NCALD: variants seen among roughly 807,000 people sequenced by gnomAD.
The protein encoded by NCALD is neurocalcin-delta.
In NCALD, 10 loss-of-function variants were observed where a neutral mutation model predicts 18.6. The observed-to-expected ratio is 0.54, with a 90% CI of 0.33 to 0.91. The LOEUF is 0.91. NCALD is among the 40% of genes least tolerant of loss of function. NCALD has a pLI of 0.03. For synonymous variants in NCALD, 88 were observed against 87.4 expected (o/e 1.01, Z -0.04); for missense variants, 184 against 247.6 (o/e 0.74, Z 1.72).
At chr8:101,829,155 T>C (rs145432526) in intron 4 of NCALD, among the ~76,000 whole-genome samples, 1 of 151,966 alleles carries the variant, frequency 6.6e-6, no homozygotes, top group East Asian at 1.9e-4. Context: ...GATTTTACAG[T>C]GCTAGTATTT....
chr8:101,753,163 G>A (rs1271948429), intron 1 of NCALD, among the ~76,000 whole-genome samples: 1 of 152,174 alleles, frequency 6.6e-6, no homozygotes, highest in Non-Finnish European at 1.5e-5. Flanking sequence ...CTTCAAAGAG[G>A]TGGTTGCATC....
intron 4 of NCALD, among the ~76,000 whole-genome samples, chr8:101,819,852 A>G (rs1813650327): frequency 6.6e-6 from 1 of 152,228 alleles, no homozygotes; most frequent in African/African-American, 2.4e-5. Context: ...CACTGCCAGG[A>G]GCACAGGAGC....
At chr8:101,958,127 A>T (rs1317264443) in intron 2 of NCALD, among the ~76,000 whole-genome samples, 2 of 152,186 alleles carry the variant, frequency 1.3e-5, no homozygotes, top group African/African-American at 4.8e-5. Context: ...TAGAACAAGT[A>T]ATCACTGAGG....
At chr8:102,025,837 G>A (rs1822434826) in intron 1 of NCALD, among the ~76,000 whole-genome samples, 1 of 152,156 alleles carries the variant, frequency 6.6e-6, no homozygotes, top group Non-Finnish European at 1.5e-5. Flanking sequence ...TTCTGACACT[G>A]CTATAAGGAC....
chr8:101,862,200 AAT>A (rs1158692025), intron 4 of NCALD, among the ~76,000 whole-genome samples: 2 of 152,238 alleles, frequency 1.3e-5, no homozygotes, highest in Non-Finnish European at 2.9e-5. Flanking sequence ...CAGACATTAC[AAT>A]ATGTTAATAA....
Position 101,903,529 on chromosome 8 carries a change from G to A in NCALD, c.-107+12280C>T, listed in dbSNP as rs1476681992. Reference sequence around the variant, plus strand: ...GGAATTTCATCTGTGCTTTTGTGTTGGGGCGAGAGCGAGGGAGAGAATGAG... The same window carrying A: ...GGAATTTCATCTGTGCTTTTGTGTTAGGGCGAGAGCGAGGGAGAGAATGAG... On this transcript the variant is annotated intron_variant, in intron 3 of 6. Coordinates refer to the NCALD transcript ENST00000311028. Among the ~76,000 whole-genome samples, 5 of 152,098 alleles carry A rather than the reference G, an allele frequency of 3.3e-5. No individual in the cohort carries two copies. The South Asian group carries it at 1.0e-3, about 32-fold the overall frequency.
chr8:101,817,576 C>A (rs1389072798), intron 4 of NCALD, among the ~76,000 whole-genome samples: 21 of 148,958 alleles, frequency 1.4e-4, no homozygotes, highest in Non-Finnish European at 7.4e-5. Context: ...AAGCAGCTAC[C>A]AAAAAAAAAA....
chr8:102,095,870 C>T (rs1226145073), intron 1 of NCALD, among the ~76,000 whole-genome samples: 2 of 152,130 alleles, frequency 1.3e-5, no homozygotes, highest in Non-Finnish European at 1.5e-5. Context: ...GACTAGTCAC[C>T]TTTCAACAAA....
intron 4 of NCALD, among the ~76,000 whole-genome samples, chr8:101,804,702 T>C (rs1241154542): frequency 6.9e-6 from 1 of 144,914 alleles, no homozygotes; most frequent in Non-Finnish European, 1.5e-5. Flanking sequence ...CCTAATTATA[T>C]ATAAATAATT....
intron 2 of NCALD, among the ~76,000 whole-genome samples, chr8:101,967,530 G>A (rs1291353172): frequency 1.3e-5 from 2 of 152,080 alleles, no homozygotes; most frequent in East Asian, 3.9e-4. Flanking sequence ...CAGAGGAGAA[G>A]GTAGAAAGTC....
intron 1 of NCALD, among the ~76,000 whole-genome samples, chr8:101,768,744 A>G (rs1482351390): frequency 6.6e-6 from 1 of 151,782 alleles, no homozygotes; most frequent in Non-Finnish European, 1.5e-5. Flanking sequence ...AAAGAAAGAA[A>G]GCAAGAAAGA....
intron 4 of NCALD, among the ~76,000 whole-genome samples, chr8:101,849,612 C>T (rs567153348): frequency 3.9e-5 from 6 of 152,156 alleles, no homozygotes; most frequent in African/African-American, 9.7e-5. Context: ...TCAGTTAACA[C>T]AGCCAGATGA....
chr8:101,757,910 A>G lies in NCALD; in HGVS notation c.-20+32952T>C, dbSNP rs148045105. 7.0e-4 allele frequency among the ~76,000 whole-genome samples: 107 copies of G among 152,172 alleles called. No homozygotes were observed. In the East Asian group the frequency reaches 0.018, roughly 26 times the overall value. On this transcript the variant is annotated intron_variant, in intron 1 of 3. Transcript: ENST00000220931. ...TTTAACAATTTTTTTAGAGCCTCCC[A>G]CCTCCCAAGTAGCTAGGACTACAGT...
At chr8:101,812,713 TA>T in intron 4 of NCALD, among the ~76,000 whole-genome samples, 1 of 152,280 alleles carries the variant, frequency 6.6e-6, no homozygotes, top group Non-Finnish European at 1.5e-5. Flanking sequence ...CTAAAAGAAT[TA>T]GGGGCTTGAA....
intron 3 of NCALD, among the ~76,000 whole-genome samples, chr8:101,892,293 G>A (rs1816935779): frequency 6.8e-6 from 1 of 146,318 alleles, no homozygotes; most frequent in Non-Finnish European, 1.5e-5. Flanking sequence ...CAGACCTGCA[G>A]CTGAGGGTCC....
chr8:101,820,374 T>C (rs1221724994), intron 4 of NCALD, among the ~76,000 whole-genome samples: 1 of 151,836 alleles, frequency 6.6e-6, no homozygotes, highest in Non-Finnish European at 1.5e-5. Flanking sequence ...TTTTATTTGT[T>C]AAATAAATAA....
chr8:102,059,380 A>G (rs1261337691), intron 1 of NCALD, among the ~76,000 whole-genome samples: 1 of 152,214 alleles, frequency 6.6e-6, no homozygotes, highest in African/African-American at 2.4e-5. Flanking sequence ...CCTGTACTAC[A>G]TATCTTTAAT....
chr8:101,945,531 C>T (rs1432051210), intron 2 of NCALD, among the ~76,000 whole-genome samples: 2 of 152,192 alleles, frequency 1.3e-5, no homozygotes, highest in Non-Finnish European at 2.9e-5. Flanking sequence ...CAGCCAAACT[C>T]TCCATCTTAT....
At chr8:101,757,184 C>T (rs1387506058) in intron 1 of NCALD, among the ~76,000 whole-genome samples, 2 of 152,212 alleles carry the variant, frequency 1.3e-5, no homozygotes, top group African/African-American at 4.8e-5. Flanking sequence ...TCCTCAACCT[C>T]TCATCAAATA....
Sources: allele counts gnomAD v4.1 joint callset (sites outside exome capture counted in the v4.1 genomes callset), GRCh38; gene constraint gnomAD v4.1.1; transcripts MANE v1.5; gene names NCBI Gene and HGNC (gene_info 2026-07-23, HGNC 2026-07-21).